MTUS1: variants seen among roughly 807,000 people sequenced by gnomAD.
MTUS1 encodes microtubule-associated tumor suppressor 1.
A neutral mutation model predicts 120.8 loss-of-function variants in MTUS1; 109 were observed. The observed-to-expected ratio is 0.90, with a 90% CI of 0.77 to 1.06. The LOEUF (loss-of-function observed/expected upper bound fraction) is 1.06, where lower values mean the gene tolerates loss of function less well. Among genes scored for constraint, MTUS1 ranks in the 50% least tolerant of loss-of-function variants. The probability of loss-of-function intolerance (pLI) is 0.00; values close to 1 mark genes in which losing one functional copy is unlikely to be tolerated. For synonymous variants in MTUS1, 737 were observed against 550.5 expected (o/e 1.34, Z -4.74); for missense variants, 2,210 against 1,486.3 (o/e 1.49, Z -8.01).
chr8:17,661,101 A>T (rs1003521880), intron 8 of MTUS1, among the ~76,000 whole-genome samples: 2 of 152,162 alleles, frequency 1.3e-5, no homozygotes, highest in African/African-American at 4.8e-5. Context: ...AGAAAAAATG[A>T]CTCAAGAAGT....
intron 3 of MTUS1, among the ~76,000 whole-genome samples, chr8:17,739,367 C>T (rs1323828748): frequency 1.3e-5 from 2 of 151,940 alleles, no homozygotes; most frequent in East Asian, 3.9e-4. Context: ...GTGGTTCATG[C>T]CTGTAATCCC....
intron 6 of MTUS1, chr8:17,705,500 A>C (rs1045029941): frequency 1.3e-4 from 20 of 152,232 alleles, no homozygotes; most frequent in African/African-American, 4.8e-4. Context: ...AGATTTACTA[A>C]ATGATCCACT....
At chr8:17,772,056 G>C (rs2050062869) in intron 1 of MTUS1, among the ~76,000 whole-genome samples, 1 of 152,156 alleles carries the variant, frequency 6.6e-6, no homozygotes, top group Non-Finnish European at 1.5e-5. Flanking sequence ...TTTAGAAGCA[G>C]AATCAGGATC....
intron 6 of MTUS1, among the ~76,000 whole-genome samples, chr8:17,709,857 A>T (rs1820924142): frequency 6.6e-6 from 1 of 151,906 alleles, no homozygotes; most frequent in Admixed American, 6.6e-5. Flanking sequence ...AATACAAAAA[A>T]TTAGCCGGGC....
intron 14 of MTUS1, among the ~76,000 whole-genome samples, chr8:17,646,684 T>C (rs908579835): frequency 6.6e-6 from 1 of 152,226 alleles, no homozygotes; most frequent in Non-Finnish European, 1.5e-5. Context: ...GACTACCTTA[T>C]GTTGCAGGCT....
chr8:17,659,299 G>C (rs568955596), intron 8 of MTUS1, among the ~76,000 whole-genome samples: 1 of 152,322 alleles, frequency 6.6e-6, no homozygotes, highest in African/African-American at 2.4e-5. Context: ...GACCAGGCCA[G>C]ACCTTGGGGC....
At chr8:17,662,883 G>C (rs180999152) in intron 8 of MTUS1, among the ~76,000 whole-genome samples, 128 of 151,620 alleles carry the variant, frequency 8.4e-4, no homozygotes, top group African/African-American at 2.8e-3. Context: ...GAGGAAGGGA[G>C]GGAAGGGGAG....
intron 12 of MTUS1, among the ~76,000 whole-genome samples, chr8:17,650,431 T>C (rs1289314942): frequency 6.6e-6 from 1 of 152,196 alleles, no homozygotes; most frequent in East Asian, 1.9e-4. Context: ...ATTTTTGTTA[T>C]GATGGGGCTA....
chr8:17,705,536 A>C (rs1003807435), intron 6 of MTUS1: 2 of 152,256 alleles, frequency 1.3e-5, no homozygotes, highest in African/African-American at 4.8e-5. Flanking sequence ...CACCAATTTG[A>C]AACAAAAATG....
At chr8:17,764,493 A>T (rs2049308505) in intron 1 of MTUS1, among the ~76,000 whole-genome samples, 1 of 151,878 alleles carries the variant, frequency 6.6e-6, no homozygotes, top group African/African-American at 2.4e-5. Flanking sequence ...TCCCCTACAC[A>T]CTGAACAATT....
intron 2 of MTUS1, among the ~76,000 whole-genome samples, chr8:17,748,630 G>A (rs2047950784): frequency 6.6e-6 from 1 of 152,202 alleles, no homozygotes; most frequent in South Asian, 2.1e-4. Flanking sequence ...GCACCACTGT[G>A]GGGCCTGCAC....
rs1228032497 is a variant in MTUS1, at chr8:17,653,210, T to C, written c.3360A>G (p.Arg1120=). The C allele has an allele frequency of 1.3e-6, 2 of 1,549,752 alleles. No homozygotes were observed. Among genetic ancestry groups the C allele is most frequent in the African/African-American group, 2.8e-5 (2 of 72,370 alleles). ...NEKLKSEEQK[R]RAREKANLKN... ...CCAAATTTGCTTTTTCTCTTGCTCT[T>C]CTTTTTTGTTCTTCTGATTTCAATT... is the stretch of plus-strand genomic sequence containing the variant. Residue 1120 remains arginine, a synonymous_variant, in exon 12 of 15, where the codon AGA becomes AGG. Coordinates refer to ENST00000693296, the MANE Select transcript of MTUS1 (RefSeq NM_001363059.2).
chr8:17,717,845 C>G (rs1822635993), intron 4 of MTUS1, among the ~76,000 whole-genome samples: 1 of 152,142 alleles, frequency 6.6e-6, no homozygotes, highest in Non-Finnish European at 1.5e-5. Flanking sequence ...CGGCACCACA[C>G]CCATCATCAG....
intron 6 of MTUS1, among the ~76,000 whole-genome samples, chr8:17,700,748 T>G (rs2130909275): frequency 6.6e-6 from 1 of 152,210 alleles, no homozygotes; most frequent in Middle Eastern, 3.4e-3. Context: ...AGTGTTAGAA[T>G]AATTTTATAG....
Position 17,645,600 on chromosome 8 carries a change from C to T in MTUS1, c.*326G>A. 1 of 216,902 alleles carries T rather than the reference C, an allele frequency of 4.6e-6. No individual in the cohort carries two copies. The highest frequency in any genetic ancestry group is 9.1e-6 in the Non-Finnish European group (1 of 110,028). The allele number at this position is 216,902 out of a possible 1,614,324, so 13.4% of individuals were successfully genotyped here. A position where few individuals can be genotyped will look rare whatever the true frequency, so the allele number is the denominator to read the frequency against. ...AAAGGTTATAAATCTTAATAGGGCC[C>T]TGAGAGTTTTTCCCCCTATGCTTAG... On this transcript the variant is annotated 3_prime_UTR_variant, in exon 15 of 15. Transcript: ENST00000693296.
At position 17,646,063 on chromosome 8, in the gene MTUS1, C is replaced by G. The variant is rs1476990239; in HGVS notation, c.3676G>C (p.Glu1226Gln). The G allele has an allele frequency of 6.2e-7, 1 of 1,613,604 alleles. No homozygotes were observed. The highest frequency in any genetic ancestry group is 8.5e-7 in the Non-Finnish European group (1 of 1,179,900). Reference protein sequence around the residue: ...ESKVNKRLSMENEELLWKLHN... With the variant: ...ESKVNKRLSMQNEELLWKLHN... ...AGTTTCCACAGAAGCTCCTCGTTTT[C>G]CATAGAGAGTCGCTTGTTGACTTTC... Residue 1226 changes from glutamate (E) to glutamine (Q), a missense_variant, in exon 15 of 15, where the codon GAA (glutamate) becomes CAA (glutamine). By Grantham distance (29) the Glu-to-Gln change is conservative. Transcript: ENST00000693296.
At chr8:17,760,029 C>T (rs1383718280) in intron 1 of MTUS1, among the ~76,000 whole-genome samples, 4 of 150,222 alleles carry the variant, frequency 2.7e-5, no homozygotes, top group African/African-American at 9.8e-5. Flanking sequence ...GGCAACATAG[C>T]AGGACCCTAC....
intron 3 of MTUS1, chr8:17,734,196 G>C (rs2046780308): frequency 1.3e-5 from 2 of 152,142 alleles, no homozygotes; most frequent in African/African-American, 4.8e-5. Flanking sequence ...TCTGGTACAT[G>C]ACTTACCTAG....
intron 13 of MTUS1, among the ~76,000 whole-genome samples, chr8:17,648,801 G>C (rs985552374): frequency 1.3e-5 from 2 of 152,240 alleles, no homozygotes; most frequent in African/African-American, 2.4e-5. Flanking sequence ...AGAAGCCTGA[G>C]TCACTCATCA....
Sources: allele counts gnomAD v4.1 joint callset (sites outside exome capture counted in the v4.1 genomes callset), GRCh38; gene constraint gnomAD v4.1.1; transcripts MANE v1.5; gene names NCBI Gene and HGNC (gene_info 2026-07-23, HGNC 2026-07-21).